The following MYT1L variants were observed in gnomAD, a reference collection of about 807,000 sequenced individuals.
MYT1L encodes myelin transcription factor 1-like protein.
A neutral mutation model predicts 126.7 loss-of-function variants in MYT1L; 12 were observed. The ratio of observed to expected loss-of-function variants is 0.09; its 90% confidence interval spans 0.06 to 0.15. MYT1L has a LOEUF of 0.15. Ranked by LOEUF, MYT1L falls within the 10% of genes least tolerant of loss-of-function variation. MYT1L has a pLI of 1.00. For synonymous variants in MYT1L, 541 were observed against 604.2 expected (o/e 0.90, Z 1.53); for missense variants, 979 against 1,585.2 (o/e 0.62, Z 6.49).
chr2:1,963,675 A>G (rs1452034609), intron 8 of MYT1L, among the ~76,000 whole-genome samples: 1 of 152,218 alleles, frequency 6.6e-6, no homozygotes, highest in African/African-American at 2.4e-5. Context: ...TGTACTTTTA[A>G]GTTATGGAGA....
chr2:2,002,558 C>T (rs1195592537), intron 4 of MYT1L, among the ~76,000 whole-genome samples: 1 of 152,188 alleles, frequency 6.6e-6, no homozygotes, highest in Non-Finnish European at 1.5e-5. Context: ...GACTGAAGGC[C>T]TTCGGTGGAC....
intron 2 of MYT1L, among the ~76,000 whole-genome samples, chr2:2,262,928 AT>A (rs1297002571): frequency 5.3e-5 from 5 of 94,252 alleles, no homozygotes; most frequent in Admixed American, 3.9e-4. Context: ...ATATATATAT[AT>A]ATAACCTGTG....
In MYT1L at chr2:1,979,082, C is replaced by T. The variant is rs1245570958; in HGVS notation, c.152+83G>A. The T allele has an allele frequency of 5.4e-6, 6 of 1,102,856 alleles. No homozygotes were observed. Among genetic ancestry groups the T allele is most frequent in the Non-Finnish European group, 6.8e-6 (5 of 738,494 alleles). 68.3% of individuals were successfully genotyped at this position (1,102,856 alleles called of 1,614,324 possible). ...GTGTATTGCTTTCCAAGAACACCTGCTCACACAGTTCATCATCAGGACTGG... is the reference window on the plus strand; with the variant it reads ...GTGTATTGCTTTCCAAGAACACCTGTTCACACAGTTCATCATCAGGACTGG... On this transcript the variant is annotated intron_variant, in intron 8 of 24. Coordinates refer to ENST00000647738, the MANE Select transcript of MYT1L (RefSeq NM_001303052.2). The surrounding 1 kb of genome is among the most constrained non-coding windows in gnomAD (Gnocchi z 4.0).
chr2:2,178,631 C>A (rs1259085893), intron 2 of MYT1L, among the ~76,000 whole-genome samples: 1 of 152,158 alleles, frequency 6.6e-6, no homozygotes, highest in Non-Finnish European at 1.5e-5. Flanking sequence ...CTGCAGCCCA[C>A]TCATGGATAG....
At chr2:2,031,589 C>T (rs2066266021) in intron 4 of MYT1L, among the ~76,000 whole-genome samples, 1 of 145,202 alleles carries the variant, frequency 6.9e-6, no homozygotes, top group Non-Finnish European at 1.5e-5. Flanking sequence ...ACACCCCTCG[C>T]CAGTGCCTCT....
At chr2:1,866,063 A>T (rs568525040) in intron 18 of MYT1L, among the ~76,000 whole-genome samples, 6 of 152,302 alleles carry the variant, frequency 3.9e-5, no homozygotes, top group Admixed American at 2.6e-4. Context: ...GCAGGGGCGG[A>T]CTGAAAGGTG....
In MYT1L at chr2:1,837,484, C is replaced by G. The variant is rs182068901; in HGVS notation, c.3080+1665G>C. On this transcript the variant is annotated intron_variant, in intron 21 of 24. Coordinates refer to ENST00000647738, the MANE Select transcript of MYT1L (RefSeq NM_001303052.2). ...TTTTTGGAGGGCATTTTGGCATGAT[C>G]TGTCAAAATTTTAAAGCTAGCATTC... Among the ~76,000 whole-genome samples the G allele has an allele frequency of 1.3e-4, 20 of 152,214 alleles. No individual in the cohort carries two copies. The East Asian group carries it at 3.9e-3, about 29-fold the overall frequency.
chr2:2,106,283 C>T (rs970072716), intron 3 of MYT1L, among the ~76,000 whole-genome samples: 6 of 152,148 alleles, frequency 3.9e-5, no homozygotes, highest in Admixed American at 6.5e-5. Flanking sequence ...TGAGGCTGGA[C>T]ATTTAGTATA....
chr2:2,253,926 T>C (rs1192115918), intron 2 of MYT1L, among the ~76,000 whole-genome samples: 2 of 152,202 alleles, frequency 1.3e-5, no homozygotes, highest in East Asian at 1.9e-4. Context: ...ATTTAAAACA[T>C]GTTTTAGATG....
chr2:1,868,759 G>T lies in MYT1L; in HGVS notation c.2712-17056C>A, dbSNP rs141464360. Among the ~76,000 whole-genome samples, 1,214 of 152,300 alleles carry T rather than the reference G, an allele frequency of 8.0e-3. 10 individuals are homozygous for T. Among genetic ancestry groups the T allele is most frequent in the Non-Finnish European group, 0.013 (863 of 68,018 alleles). ...GTTGCTATGGAGACACGGTTGCTAG[G>T]CTCCCTCCTCCCCCCTCCTCCCTGC... On this transcript the variant is annotated intron_variant, in intron 18 of 24. Coordinates refer to ENST00000647738, the MANE Select transcript of MYT1L (RefSeq NM_001303052.2).
At chr2:1,984,177 G>A (rs920530726) in intron 5 of MYT1L, among the ~76,000 whole-genome samples, 54 of 152,072 alleles carry the variant, frequency 3.6e-4, no homozygotes, top group African/African-American at 1.2e-3. Flanking sequence ...TAAAAGGGAT[G>A]CTTTCCTCAA....
chr2:2,126,210 G>A (rs1415629825), intron 3 of MYT1L, among the ~76,000 whole-genome samples: 2 of 152,156 alleles, frequency 1.3e-5, no homozygotes, highest in African/African-American at 4.8e-5. Flanking sequence ...CTAAGCCCAC[G>A]ACTGCCTTTT....
chr2:1,856,644 G>A (rs1280859595), intron 18 of MYT1L, among the ~76,000 whole-genome samples: 9 of 152,210 alleles, frequency 5.9e-5, no homozygotes. Context: ...TCATACGAAT[G>A]TCTTGAAAGT....
chr2:1,965,611 C>A (rs2059289421), intron 8 of MYT1L, among the ~76,000 whole-genome samples: 1 of 152,240 alleles, frequency 6.6e-6, no homozygotes, highest in Admixed American at 6.5e-5. Context: ...TGGCATGTCC[C>A]TTTTTCACAC....
At position 1,972,514 on chromosome 2, in the gene MYT1L, T is replaced by C. The variant is rs79860717; in HGVS notation, c.152+6651A>G. ...TTTATTTTTGGATTATAGATGCTCC[T>C]CTCAGTTGCAAGTTGCAATGCTCCA... On this transcript the variant is annotated intron_variant, in intron 8 of 24. Transcript: ENST00000647738. 2.4e-4 allele frequency among the ~76,000 whole-genome samples: 37 copies of C among 152,352 alleles called. No homozygotes were observed. In the East Asian group the frequency reaches 6.0e-3, roughly 25 times the overall value.
At chr2:1,805,900 T>C (rs1445092180) in intron 22 of MYT1L, among the ~76,000 whole-genome samples, 1 of 151,982 alleles carries the variant, frequency 6.6e-6, no homozygotes, top group African/African-American at 2.4e-5. Context: ...AAGAGAGGGA[T>C]TGTCTTTTCC....
rs1334868247 is a variant in MYT1L at position 2,307,797 on chromosome 2, A to C, written c.-521+23170T>G. On this transcript the variant is annotated intron_variant, in intron 1 of 24. Transcript: ENST00000647738. The stretch of plus-strand genomic sequence containing the variant: ...CTTCAGTACACTCTATCTATACTCC[A>C]CCCATGTTTCAGTACACTCTATCTA... Among the ~76,000 whole-genome samples the C allele has an allele frequency of 2.8e-5, 4 of 145,230 alleles. No homozygotes were observed. In the East Asian group the frequency reaches 7.8e-4, roughly 28 times the overall value.
chr2:2,198,045 T>C (rs1009170046), intron 2 of MYT1L, among the ~76,000 whole-genome samples: 2 of 151,690 alleles, frequency 1.3e-5, no homozygotes, highest in African/African-American at 4.8e-5. Context: ...ATATAATATA[T>C]ACACACACAC....
At chr2:2,179,992 C>T (rs1255326303) in intron 2 of MYT1L, among the ~76,000 whole-genome samples, 2 of 152,152 alleles carry the variant, frequency 1.3e-5, no homozygotes, top group Non-Finnish European at 2.9e-5. Context: ...GTCATCCTCT[C>T]GCTGATCCGT....
Sources: gnomAD v4.1 joint callset for allele counts (sites outside exome capture counted in the v4.1 genomes callset) on GRCh38, gnomAD v4.1.1 for gene constraint, Gnocchi (gnomAD v3.1) non-coding constraint, MANE v1.5 for transcripts, NCBI Gene and HGNC (gene_info 2026-07-23, HGNC 2026-07-21) for gene names.